The following IQCN variants were observed in gnomAD, a reference collection of about 807,000 sequenced individuals.
IQCN encodes IQ motif containing N.
In IQCN, 46 loss-of-function variants were observed where a neutral mutation model predicts 64.4. The observed-to-expected ratio is 0.71, with a 90% confidence interval of 0.56 to 0.91. The LOEUF (loss-of-function observed/expected upper bound fraction) is 0.91. Among genes scored for constraint, IQCN ranks in the 40% least tolerant of loss-of-function variants. IQCN has a pLI of 0.00. For synonymous variants in IQCN, 733 were observed against 775.6 expected, an observed-to-expected ratio of 0.95 and a Z score of 0.91; for missense variants, 1,753 against 1,857.4, an observed-to-expected ratio of 0.94 and a Z score of 1.03.
chr19:18,273,275 G>A (rs948690427), intron 1 of IQCN, among the ~76,000 whole-genome samples: 6 of 151,766 alleles, frequency 4.0e-5, no homozygotes, highest in Admixed American at 2.0e-4. Context: ...CAAGTGATCC[G>A]CCCGCCTCGG....
At chr19:18,270,225 G>A (rs1465168874) in intron 1 of IQCN, among the ~76,000 whole-genome samples, 2 of 151,736 alleles carry the variant, frequency 1.3e-5, no homozygotes, top group Non-Finnish European at 2.9e-5. Flanking sequence ...GCCAGGCATA[G>A]TGGTTGACGC....
rs765090909 is a variant in IQCN at position 18,265,174 on chromosome 19, C to G, written c.2366G>C (p.Gly789Ala). ...KVSNHACQRLGGLSAPPWAKP... is the reference protein window; with the variant it reads ...KVSNHACQRLAGLSAPPWAKP... ...GGCCCAGGGTGGGGCGCTGAGGCCA[C>G]CGAGGCGCTGGCAGGCGTGGTTGGA... The change falls in exon 3 of 4, where the codon GGT (glycine) becomes GCT (alanine). Residue 789 changes from glycine to alanine, a missense_variant. Transcript: ENST00000392413. This position sits in a 1 kb window ranked among gnomAD's most constrained non-coding sequence, Gnocchi z 4.7. 1.9e-6 allele frequency: 3 copies of G among 1,609,186 alleles called. No homozygotes were observed. The African/African-American group carries it at 4.0e-5, about 21-fold the overall frequency.
rs367975844 is a variant in IQCN at position 18,264,368 on chromosome 19, T to C, written c.3172A>G (p.Ser1058Gly). The C allele has an allele frequency of 8.4e-5, 124 of 1,474,974 alleles. No homozygotes were observed. In the African/African-American group the frequency reaches 1.4e-3, roughly 16 times the overall value. 91.4% of individuals were successfully genotyped at this position (1,474,974 alleles called of 1,614,324 possible). A position where few individuals can be genotyped will look rare whatever the true frequency, so the allele number is the denominator to read the frequency against. Residue 1058 changes from serine (S) to glycine (G), a missense_variant, in exon 3 of 4, where the codon AGC (serine) becomes GGC (glycine). By Grantham distance (56) the Ser-to-Gly change is moderately conservative. Transcript: ENST00000392413. This position sits in a 1 kb window ranked among gnomAD's most constrained non-coding sequence, Gnocchi z 4.3. ...CCAACCTGGGAATCCCTGACCTTGCTGGTCTGTGGTCTCACGGGGCCCAGG... is the reference window on the plus strand; with the variant it reads ...CCAACCTGGGAATCCCTGACCTTGCCGGTCTGTGGTCTCACGGGGCCCAGG... The part of the protein sequence containing the change: ...PSLGPVRPQT[S>G]KGPADAGVVG...
Position 18,264,369 on chromosome 19 carries a change from G to A in IQCN, c.3171C>T (p.Thr1057=). The A allele has an allele frequency of 6.7e-7, 1 of 1,481,776 alleles. No individual in the cohort carries two copies. Among genetic ancestry groups the A allele is most frequent in the Non-Finnish European group, 9.0e-7 (1 of 1,114,720 alleles). 91.8% of individuals were successfully genotyped at this position (1,481,776 alleles called of 1,614,324 possible). A position where few individuals can be genotyped will look rare whatever the true frequency, so the allele number is the denominator to read the frequency against. ...CAACCTGGGAATCCCTGACCTTGCT[G>A]GTCTGTGGTCTCACGGGGCCCAGGG... The part of the protein sequence containing the change: ...GPSLGPVRPQ[T]SKGPADAGVV... Residue 1057 remains threonine, a synonymous_variant, in exon 3 of 4, where the codon ACC becomes ACT. Transcript: ENST00000392413. This position sits in a 1 kb window ranked among gnomAD's most constrained non-coding sequence, Gnocchi z 4.3.
intron 1 of IQCN, among the ~76,000 whole-genome samples, chr19:18,271,046 C>A (rs1969724516): frequency 6.6e-6 from 1 of 151,064 alleles, no homozygotes; most frequent in African/African-American, 2.4e-5. Context: ...GTGGCATGCA[C>A]CTGTAATCCC....
intron 3 of IQCN, among the ~76,000 whole-genome samples, chr19:18,263,981 C>T (rs898373125): frequency 3.3e-5 from 5 of 152,172 alleles, no homozygotes; most frequent in African/African-American, 9.7e-5. Flanking sequence ...GCCACAGACT[C>T]GGGGGTGGCT....
At chr19:18,260,639 T>C (rs1274350897) in intron 3 of IQCN, 1 of 152,920 alleles carries the variant, frequency 6.5e-6, no homozygotes, top group Non-Finnish European at 1.5e-5. Flanking sequence ...TTGTCTTGCC[T>C]GGACTGGAGG....
intron 3 of IQCN, among the ~76,000 whole-genome samples, chr19:18,263,115 G>A (rs1242937699): frequency 6.6e-6 from 1 of 152,150 alleles, no homozygotes; most frequent in Non-Finnish European, 1.5e-5. Context: ...AGTCTCTTGC[G>A]TATCCTTAAA....
intron 1 of IQCN, among the ~76,000 whole-genome samples, chr19:18,270,858 A>G (rs1425455587): frequency 1.3e-5 from 2 of 151,452 alleles, no homozygotes; most frequent in Non-Finnish European, 2.9e-5. Flanking sequence ...GATTGTGATT[A>G]AAGAGTAAGT....
Position 18,264,528 on chromosome 19 carries a change from C to T in IQCN, c.3012G>A (p.Trp1004Ter), listed in dbSNP as rs1969500567. ...TTCCAGTCCTCAGGGCCACCCGACA[C>T]CAAGACTGGCTCAGGAGAGCACCCA... Reference protein sequence around the residue: ...GELGALLSQSWCRVALRTGTI... With the variant: ...GELGALLSQS The change falls in exon 3 of 4, where the codon TGG becomes TGA. Residue 1004 changes from tryptophan to a stop codon, truncating the protein, a stop_gained. Transcript: ENST00000392413. LOFTEE classifies it high-confidence loss of function. This position sits in a 1 kb window ranked among gnomAD's most constrained non-coding sequence, Gnocchi z 4.3. The T allele has an allele frequency of 6.4e-7, 1 of 1,551,458 alleles. No individual in the cohort carries two copies. The highest frequency in any genetic ancestry group is 1.2e-5 in the South Asian group (1 of 84,056).
chr19:18,266,083 A>G lies in IQCN; in HGVS notation c.1457T>C (p.Val486Ala). The G allele has an allele frequency of 1.2e-6, 2 of 1,613,916 alleles. No homozygotes were observed. Among genetic ancestry groups the G allele is most frequent in the East Asian group, 2.2e-5 (1 of 44,852 alleles). ...MSKTSSQRSP[V>A]GVTKPSPQTR... ...CTGGGGTGAGGGCTTGGTCACCCCAACTGGGCTCCTCTGGGATGAAGTCTT... is the reference window on the plus strand; with the variant it reads ...CTGGGGTGAGGGCTTGGTCACCCCAGCTGGGCTCCTCTGGGATGAAGTCTT... Residue 486 changes from valine to alanine, a missense_variant, in exon 3 of 4, where the codon GTT becomes GCT. Physicochemically the swap from Val to Ala is moderately conservative, Grantham distance 64. Coordinates refer to ENST00000392413, the MANE Select transcript of IQCN (RefSeq NM_001145304.2). This position sits in a 1 kb window ranked among gnomAD's most constrained non-coding sequence, Gnocchi z 4.3.
intron 3 of IQCN, chr19:18,258,480 G>A (rs1267517597): frequency 2.0e-6 from 1 of 496,500 alleles, no homozygotes; most frequent in East Asian, 5.5e-5. Context: ...GGAATTTTTA[G>A]GGCCCATGGC....
chr19:18,266,369 C>A lies in IQCN; in HGVS notation c.1171G>T (p.Ala391Ser). Residue 391 changes from alanine to serine, a missense_variant, in exon 3 of 4, where the codon GCA becomes TCA. Physicochemically the swap from Ala to Ser is moderately conservative, Grantham distance 99 (BLOSUM62 1). Transcript: ENST00000392413. This position sits in a 1 kb window ranked among gnomAD's most constrained non-coding sequence, Gnocchi z 4.3. ...MYPGPTVTKTAPHTCPMPTMT... is the reference protein window; with the variant it reads ...MYPGPTVTKTSPHTCPMPTMT... Reference sequence around the variant, plus strand: ...GTGGGCATGGGGCATGTGTGAGGTGCAGTTTTGGTCACTGTGGGCCCCGGA... The same window carrying A: ...GTGGGCATGGGGCATGTGTGAGGTGAAGTTTTGGTCACTGTGGGCCCCGGA... 6.2e-7 allele frequency: 1 copy of A among 1,607,210 alleles called. No individual in the cohort carries two copies. Among genetic ancestry groups the A allele is most frequent in the Non-Finnish European group, 8.5e-7 (1 of 1,177,308 alleles).
Position 18,266,316 on chromosome 19 carries a change from T to C in IQCN, c.1224A>G (p.Thr408=), listed in dbSNP as rs1315685865. The change falls in exon 3 of 4, where the codon ACA becomes ACG. Residue 408 remains threonine, a synonymous_variant. Transcript: ENST00000392413. The surrounding 1 kb of genome is among the most constrained non-coding windows in gnomAD (Gnocchi z 4.3). ...PTMTKIQVHP[T]ASRTGTPRQT... is the part of the protein sequence containing the mutation. ...GCCGTGGGGTGCCAGTTCTGGAGGC[T>C]GTGGGGTGTACCTGGATCTTGGTCA... is the stretch of plus-strand genomic sequence containing the variant. The C allele has an allele frequency of 1.2e-6, 2 of 1,613,562 alleles. No individual in the cohort carries two copies. The highest frequency in any genetic ancestry group is 2.2e-5 in the South Asian group (2 of 90,990).
At position 18,269,556 on chromosome 19, in the gene IQCN, A is replaced by T. The variant is rs1600135681; in HGVS notation, c.-78T>A. On this transcript the variant is annotated 5_prime_UTR_variant, in exon 2 of 4. The change abolishes an upstream ATG in the 5' untranslated region. Transcript: ENST00000392413. ...AAGAGGAGGCAGCCTTCAGCCTTTC[A>T]TCCATGCAATATGCAGCAACACTGC... 1 of 1,485,986 alleles carries T rather than the reference A, an allele frequency of 6.7e-7. No homozygotes were observed. The highest frequency in any genetic ancestry group is 9.4e-7 in the Non-Finnish European group (1 of 1,065,752). 92.1% of individuals were successfully genotyped at this position (1,485,986 alleles called of 1,614,324 possible). A position where few individuals can be genotyped will look rare whatever the true frequency, so the allele number is the denominator to read the frequency against.
Position 18,269,752 on chromosome 19 carries a change from G to A in IQCN, c.-109-165C>T, listed in dbSNP as rs1034616334. ...AGCTAGAAATCAAACAAAACAACTGGAAATAACCAAAACAGTGATTGGTAG... is the reference window on the plus strand; with the variant it reads ...AGCTAGAAATCAAACAAAACAACTGAAAATAACCAAAACAGTGATTGGTAG... On this transcript the variant is annotated intron_variant, in intron 1 of 3. Transcript: ENST00000392413. 3.9e-4 allele frequency among the ~76,000 whole-genome samples: 59 copies of A among 151,538 alleles called. 1 individual carries two copies. The highest frequency in any genetic ancestry group is 1.4e-3 in the African/African-American group (57 of 41,342).
intron 3 of IQCN, among the ~76,000 whole-genome samples, chr19:18,262,856 T>A (rs1969461094): frequency 6.6e-6 from 1 of 152,172 alleles, no homozygotes; most frequent in Admixed American, 6.5e-5. Context: ...GTGGCTTATA[T>A]GCAGTGGAGA....
chr19:18,262,795 T>C (rs922418031), intron 3 of IQCN, among the ~76,000 whole-genome samples: 1 of 152,310 alleles, frequency 6.6e-6, no homozygotes, highest in Non-Finnish European at 1.5e-5. Context: ...GCTACCCTAC[T>C]GGCCAGTGTA....
rs754280743 is a variant in IQCN, at chr19:18,267,488, C to T, written c.52G>A (p.Gly18Ser). Reference protein sequence around the residue: ...DLSGNQGNAAGRLATVHEPVV... With the variant: ...DLSGNQGNAASRLATVHEPVV... Reference sequence around the variant, plus strand: ...GGCTCGTGAACTGTAGCTAGGCGGCCGGCTGCATTGCCTTGATTACCGGAC... The same window carrying T: ...GGCTCGTGAACTGTAGCTAGGCGGCTGGCTGCATTGCCTTGATTACCGGAC... Residue 18 changes from glycine (G) to serine (S), a missense_variant, in exon 3 of 4, where the codon GGC (glycine) becomes AGC (serine). Physicochemically the swap from Gly to Ser is moderately conservative, Grantham distance 56. Coordinates refer to ENST00000392413, the MANE Select transcript of IQCN (RefSeq NM_001145304.2). The T allele has an allele frequency of 6.5e-6, 10 of 1,528,796 alleles. No homozygotes were observed. In the Admixed American group the frequency reaches 1.5e-4, roughly 23 times the overall value. 94.7% of individuals were successfully genotyped at this position (1,528,796 alleles called of 1,614,324 possible).
Sources: gnomAD v4.1 joint callset for allele counts (sites outside exome capture counted in the v4.1 genomes callset) on GRCh38, gnomAD v4.1.1 for gene constraint, Gnocchi (gnomAD v3.1) non-coding constraint, MANE v1.5 for transcripts, NCBI Gene and HGNC (gene_info 2026-07-23, HGNC 2026-07-21) for gene names.